ATP2B3: variants seen among roughly 807,000 people sequenced by gnomAD.
ATP2B3 encodes ATPase plasma membrane Ca2+ transporting 3, also known as plasma membrane calcium-transporting ATPase 3.
ATP2B3 carries 12 observed loss-of-function variants against 70.8 expected under a neutral mutation model. That is an observed-to-expected ratio of 0.17 (90% CI 0.11 to 0.27). ATP2B3 has a LOEUF of 0.27. Among genes scored for constraint, ATP2B3 ranks in the 10% least tolerant of loss-of-function variants. The pLI, the probability that ATP2B3 is intolerant of heterozygous loss-of-function variation, is 1.00. For missense variants in ATP2B3, 858 were observed against 1,118.5 expected, an observed-to-expected ratio of 0.77 and a Z score of 3.32; for synonymous variants, 460 against 497.8, an observed-to-expected ratio of 0.92 and a Z score of 1.01.
chrX:153,548,550 A>ACC (rs782538681), intron 9 of ATP2B3, 90 bp from the exon 10 acceptor site: 151 of 837,776 alleles, frequency 1.8e-4, no homozygotes, highest in Non-Finnish European at 1.5e-4. Flanking sequence ...TGCCTCCGAG[A>ACC]CCGTGTCCAT....
intron 2 of ATP2B3, among the ~76,000 whole-genome samples, chrX:153,534,855 T>A (rs2090167425): frequency 8.8e-6 from 1 of 113,306 alleles, no homozygotes; most frequent in South Asian, 3.6e-4. Context: ...GGGCCTCTCC[T>A]GAGAATAAGG....
At chrX:153,570,046 A>G in intron 21 of ATP2B3, 1 of 382,661 alleles carries the variant, frequency 2.6e-6, no homozygotes, top group Middle Eastern at 7.1e-4. Context: ...CTTTTCTTGA[A>G]CTTGTCTGCC....
intron 7 of ATP2B3, among the ~76,000 whole-genome samples, chrX:153,545,705 G>A (rs2090354834): frequency 8.9e-6 from 1 of 112,279 alleles, no homozygotes; most frequent in Admixed American, 9.4e-5. Flanking sequence ...TGTCTGCCTG[G>A]CTTCCAGGGG....
chrX:153,542,726 C>T (rs1250717243), intron 6 of ATP2B3, among the ~76,000 whole-genome samples: 1 of 113,229 alleles, frequency 8.8e-6, no homozygotes, highest in Non-Finnish European at 1.9e-5. Flanking sequence ...GCCAGCACAG[C>T]GCTGTGCTTC....
chrX:153,530,282 C>T (rs1406269840), intron 2 of ATP2B3, among the ~76,000 whole-genome samples: 2 of 112,314 alleles, frequency 1.8e-5, no homozygotes, highest in African/African-American at 3.2e-5. Flanking sequence ...CTGGTCCTCC[C>T]GCTTCTGAAT....
At chrX:153,577,840 G>A (rs944662537) in intron 21 of ATP2B3, among the ~76,000 whole-genome samples, 1 of 110,925 alleles carries the variant, frequency 9.0e-6, no homozygotes, top group South Asian at 3.9e-4. Context: ...GGTTGGTCTC[G>A]AACACCTGAG....
At chrX:153,527,100 A>G (rs888358245) in intron 2 of ATP2B3, among the ~76,000 whole-genome samples, 64 of 112,353 alleles carry the variant, frequency 5.7e-4, no homozygotes, top group African/African-American at 2.0e-3. Flanking sequence ...TTAATTACCT[A>G]TTTAGGCCCC....
In ATP2B3 at chrX:153,517,643, G is replaced by A. The variant is rs1163885723; in HGVS notation, c.-479G>A. 1 of 100,427 alleles carries A rather than the reference G, an allele frequency of 1.0e-5. No individual in the cohort carries two copies. Among genetic ancestry groups the A allele is most frequent in the Non-Finnish European group, 2.0e-5 (1 of 49,270 alleles). 8.3% of individuals were successfully genotyped at this position (100,427 alleles called of 1,213,427 possible). On this transcript the variant is annotated 5_prime_UTR_variant, in exon 1 of 22. Coordinates refer to ENST00000263519, the MANE Select transcript of ATP2B3 (RefSeq NM_001001344.3). ...TCCCCCCTCCCTCCCTCCGCGCTCA[G>A]AGCTGCGGTTGGAGCCGAGCGCGCC...
chrX:153,542,045 GCCTTA>G, intron 5 of ATP2B3, 119 bp downstream of exon 5: 1 of 747,340 alleles, frequency 1.3e-6, no homozygotes, highest in Non-Finnish European at 1.7e-6. Flanking sequence ...GTCGTCACCT[GCCTTA>G]GGAGGCGGGA....
At chrX:153,564,663 G>A (rs1449501390) in intron 20 of ATP2B3, among the ~76,000 whole-genome samples, 3 of 112,823 alleles carry the variant, frequency 2.7e-5, no homozygotes, top group South Asian at 3.6e-4. Context: ...TTACTTTCTC[G>A]AAGTCCCGGA....
At chrX:153,572,596 G>A (rs1239967279) in intron 21 of ATP2B3, among the ~76,000 whole-genome samples, 1 of 94,937 alleles carries the variant, frequency 1.1e-5, no homozygotes, top group Non-Finnish European at 2.1e-5. Context: ...CACCTTTGCT[G>A]CTTCTGGACT....
intron 21 of ATP2B3, among the ~76,000 whole-genome samples, chrX:153,571,526 C>A (rs2090789734): frequency 1.8e-5 from 2 of 112,167 alleles, no homozygotes; most frequent in South Asian, 7.3e-4. Flanking sequence ...CAGGTCCAGC[C>A]CAGCCTCTGT....
intron 19 of ATP2B3, among the ~76,000 whole-genome samples, chrX:153,561,625 G>A (rs1603103449): frequency 8.9e-6 from 1 of 111,810 alleles, no homozygotes; most frequent in Admixed American, 9.4e-5. Flanking sequence ...TCATTGCAGC[G>A]GTTCCAGGGC....
chrX:153,546,856 C>T (rs1603064607), intron 8 of ATP2B3, among the ~76,000 whole-genome samples: 1 of 112,871 alleles, frequency 8.9e-6, no homozygotes, highest in African/African-American at 3.2e-5. Flanking sequence ...GGGGGGACAG[C>T]CCGATGGCTG....
At position 153,536,158 on chromosome X, in the gene ATP2B3, C is replaced by A. The variant is rs2090187447; in HGVS notation, c.-90C>A. The stretch of plus-strand genomic sequence containing the variant: ...TAGCAGCTTTCTCACCGCCGCCAAA[C>A]CTTGCCTGGGCACTGGGACCGTGGG... On this transcript the variant is annotated 5_prime_UTR_variant, in exon 3 of 22. Transcript: ENST00000263519. 2.2e-5 allele frequency: 23 copies of A among 1,058,815 alleles called. No individual in the cohort carries two copies. The highest frequency in any genetic ancestry group is 2.8e-5 in the Non-Finnish European group (22 of 774,299). The allele number at this position is 1,058,815 out of a possible 1,213,427, so 87.3% of individuals were successfully genotyped here.
intron 2 of ATP2B3, among the ~76,000 whole-genome samples, chrX:153,518,759 G>A (rs1364341868): frequency 1.8e-5 from 2 of 111,613 alleles, no homozygotes; most frequent in Non-Finnish European, 3.8e-5. Flanking sequence ...GTTTAGGAGA[G>A]ACTGTGGAAA....
chrX:153,546,846 G>C (rs1410871523), intron 8 of ATP2B3, among the ~76,000 whole-genome samples: 2 of 113,075 alleles, frequency 1.8e-5, no homozygotes, highest in Non-Finnish European at 3.7e-5. Flanking sequence ...GGAGGGCAGT[G>C]GGGGGACAGC....
Position 153,559,733 on chromosome X carries a change from C to A in ATP2B3, c.2630C>A (p.Ser877Tyr). ...GTGACTGCCTCCTCTCCATAGGACT[C>A]TCCTCTCAAAGCCGTGCAGATGTTG... is the stretch of plus-strand genomic sequence containing the variant. ...AFTGACITQD[S>Y]PLKAVQMLWV... The change falls in exon 18 of 22, where the codon TCT becomes TAT. Residue 877 changes from serine to tyrosine, a missense_variant. Physicochemically the swap from Ser to Tyr is moderately radical, Grantham distance 144 (BLOSUM62 -2). This residue lies in a region of ATP2B3 where 50 missense variants were observed against 106.7 expected (regional missense o/e 0.47). Coordinates refer to ENST00000263519, the MANE Select transcript of ATP2B3 (RefSeq NM_001001344.3). The A allele has an allele frequency of 8.3e-7, 1 of 1,210,843 alleles. No individual in the cohort carries two copies.
intron 2 of ATP2B3, among the ~76,000 whole-genome samples, chrX:153,519,744 G>A (rs1369308375): frequency 4.4e-5 from 5 of 112,804 alleles, no homozygotes; most frequent in Non-Finnish European, 7.5e-5. Context: ...CACCTGGGCC[G>A]TGCCCTGCAC....
Sources: allele counts gnomAD v4.1 joint callset (sites outside exome capture counted in the v4.1 genomes callset), GRCh38; gene constraint gnomAD v4.1.1; regional missense constraint gnomAD v4.1.1; transcripts MANE v1.5; gene names NCBI Gene and HGNC (gene_info 2026-07-23, HGNC 2026-07-21).